Variants in GCN1 observed in about 807,000 individuals in gnomAD.
GCN1 encodes the protein GCN1 activator of EIF2AK4.
In GCN1, 90 loss-of-function variants were observed where a neutral mutation model predicts 288.4. That is an observed-to-expected ratio of 0.31 (90% CI 0.26 to 0.37). GCN1 has a LOEUF of 0.37. GCN1 is among the 10% of genes least tolerant of loss of function. The pLI is 1.00. For synonymous variants in GCN1, 1,386 were observed against 1,420.2 expected (o/e 0.98, Z 0.54); for missense variants, 2,586 against 3,419.9 (o/e 0.76, Z 6.08).
Position 120,144,281 on chromosome 12 carries a change from T to C in GCN1, c.5495+25A>G. The C allele has an allele frequency of 6.2e-7, 1 of 1,613,882 alleles. No individual in the cohort carries two copies. Among genetic ancestry groups the C allele is most frequent in the South Asian group, 1.1e-5 (1 of 91,068 alleles). ...ATGAGCCACCACGCATCATCCCCAC[T>C]GGGTCTTTCTGCCCAAGTTCTCACC... On this transcript the variant is annotated intron_variant, in intron 42 of 57. Transcript: ENST00000300648. This position sits in a 1 kb window ranked among gnomAD's most constrained non-coding sequence, Gnocchi z 4.7.
chr12:120,192,161 C>T (rs1566323684), intron 1 of GCN1, among the ~76,000 whole-genome samples: 1 of 152,074 alleles, frequency 6.6e-6, no homozygotes, highest in African/African-American at 2.4e-5. Context: ...TAATTAAAAC[C>T]CAAACTTTTT....
In GCN1 at chr12:120,155,177, G is replaced by T; in HGVS notation, c.3630+64C>A. ...AGATTCCTGTCTGGAGCAGTAGCGG[G>T]GTGAGCAGAGACCCACCCAACCGCA... On this transcript the variant is annotated intron_variant, in intron 30 of 57. Transcript: ENST00000300648. This position sits in a 1 kb window ranked among gnomAD's most constrained non-coding sequence, Gnocchi z 4.9. The T allele has an allele frequency of 6.5e-6, 10 of 1,549,704 alleles. No homozygotes were observed. The highest frequency in any genetic ancestry group is 8.9e-6 in the Non-Finnish European group (10 of 1,121,838).
rs1878471733 is a variant in GCN1, at chr12:120,176,014, G to A, written c.913+129C>T. The A allele has an allele frequency of 2.1e-5, 27 of 1,300,432 alleles. 1 individual carries two copies. In the South Asian group the frequency reaches 3.2e-4, roughly 16 times the overall value. The allele number at this position is 1,300,432 out of a possible 1,614,324, so 80.6% of individuals were successfully genotyped here. On this transcript the variant is annotated intron_variant, in intron 10 of 57. Transcript: ENST00000300648. ...TAATCTCAAGAAAGAAACTGCCAATGCCAATGTAGTTTAGGTTAGGGCCTT... is the reference window on the plus strand; with the variant it reads ...TAATCTCAAGAAAGAAACTGCCAATACCAATGTAGTTTAGGTTAGGGCCTT...
chr12:120,152,796 T>C (rs1043470077), intron 33 of GCN1, among the ~76,000 whole-genome samples: 3 of 151,830 alleles, frequency 2.0e-5, no homozygotes, highest in Non-Finnish European at 4.4e-5. Flanking sequence ...CCAACACATG[T>C]AGAGGGCCAG....
At position 120,144,458 on chromosome 12, in the gene GCN1, C is replaced by G. The variant is rs749801338; in HGVS notation, c.5353-10G>C. ...TCTCATCAGCAAGAGCCTGGGCACA[C>G]AGAGGGTGGGTCAGCCAGAGCTGCC... On this transcript the variant is annotated splice_polypyrimidine_tract_variant and intron_variant, in intron 41 of 57. Coordinates refer to ENST00000300648, the MANE Select transcript of GCN1 (RefSeq NM_006836.2). This position sits in a 1 kb window ranked among gnomAD's most constrained non-coding sequence, Gnocchi z 4.7. The G allele has an allele frequency of 9.9e-6, 16 of 1,610,054 alleles. No individual in the cohort carries two copies. In the Middle Eastern group the frequency reaches 4.9e-4, roughly 50 times the overall value.
In GCN1 at chr12:120,150,391, T is replaced by C. The variant is rs138862599; in HGVS notation, c.4310-348A>G. Among the ~76,000 whole-genome samples, 601 of 150,594 alleles carry C rather than the reference T, an allele frequency of 4.0e-3. 6 individuals carry two copies. Among genetic ancestry groups the C allele is most frequent in the African/African-American group, 0.013 (528 of 40,916 alleles). ...GCAGGCAGATCACGAGGTCAGGAAA[T>C]AGAGACCATCTTGGCCAACATGGTG... On this transcript the variant is annotated intron_variant, in intron 34 of 57. Transcript: ENST00000300648.
At chr12:120,146,039 G>C (rs1024680538) in intron 38 of GCN1, among the ~76,000 whole-genome samples, 1 of 152,084 alleles carries the variant, frequency 6.6e-6, no homozygotes, top group African/African-American at 2.4e-5. Flanking sequence ...AGTCGAGGCG[G>C]GTGGATCACC....
In GCN1 at chr12:120,148,314, A is replaced by C; in HGVS notation, c.4579T>G (p.Cys1527Gly). 6.2e-7 allele frequency: 1 copy of C among 1,614,016 alleles called. No individual in the cohort carries two copies. The highest frequency in any genetic ancestry group is 8.5e-7 in the Non-Finnish European group (1 of 1,179,936). ...SVELLGAMAY[C>G]APKQLSSCLP... ...CAGGATGACAGCTGCTTAGGAGCAC[A>C]GTACGCCATTGCCCCAAGAAGCTCC... is the stretch of plus-strand genomic sequence containing the variant. The change falls in exon 37 of 58, where the codon TGT becomes GGT. Residue 1527 changes from cysteine to glycine, a missense_variant. Around this residue, in one of 8 missense-constraint regions of GCN1, gnomAD observed 371 missense variants for 572.6 expected, o/e 0.65. Transcript: ENST00000300648.
rs569657867 is a variant in GCN1, at chr12:120,175,762, T to C, written c.1026A>G (p.Leu342=). 2.5e-4 allele frequency: 397 copies of C among 1,612,438 alleles called. 1 individual carries two copies. Among genetic ancestry groups the C allele is most frequent in the South Asian group, 1.9e-3 (174 of 90,716 alleles). The part of the protein sequence containing the change: ...SSAMESLTKH[L]FAILGGSEGK... Reference sequence around the variant, plus strand: ...CTTGCTCACCTCCGAGGATAGCAAATAGGTGCTTGGTCAGGGATTCCATGG... The same window carrying C: ...CTTGCTCACCTCCGAGGATAGCAAACAGGTGCTTGGTCAGGGATTCCATGG... The change falls in exon 11 of 58, where the codon CTA becomes CTG. Residue 342 remains leucine, a synonymous_variant. Coordinates refer to ENST00000300648, the MANE Select transcript of GCN1 (RefSeq NM_006836.2).
In GCN1 at chr12:120,158,419, C is replaced by T. The variant is rs1243118193; in HGVS notation, c.2905+41G>A. The T allele has an allele frequency of 6.7e-7, 1 of 1,494,362 alleles. No individual in the cohort carries two copies. The highest frequency in any genetic ancestry group is 1.4e-5 in the African/African-American group (1 of 71,972). 92.6% of individuals were successfully genotyped at this position (1,494,362 alleles called of 1,614,324 possible). ...CCTTGAGCAGCATTCCTGGCACCAG[C>T]TCACACCGCCTGGTGCCCCTGATCC... On this transcript the variant is annotated intron_variant, in intron 25 of 57. Coordinates refer to ENST00000300648, the MANE Select transcript of GCN1 (RefSeq NM_006836.2). This position sits in a 1 kb window ranked among gnomAD's most constrained non-coding sequence, Gnocchi z 4.3.
At chr12:120,157,667 AAAG>A (rs1435200347) in intron 26 of GCN1, among the ~76,000 whole-genome samples, 179 bp downstream of exon 26, 1 of 152,254 alleles carries the variant, frequency 6.6e-6, no homozygotes, top group Non-Finnish European at 1.5e-5. Flanking sequence ...CAATCACATG[AAAG>A]AAGCAGTCTG....
In GCN1 at chr12:120,144,906, A is replaced by C. The variant is rs1382994199; in HGVS notation, c.5155+17T>G. 11 of 1,613,976 alleles carry C rather than the reference A, an allele frequency of 6.8e-6. No individual in the cohort carries two copies. Among genetic ancestry groups the C allele is most frequent in the African/African-American group, 1.3e-5 (1 of 74,898 alleles). The stretch of plus-strand genomic sequence containing the variant: ...AGAGCATTCCCAGGCTGGCCACTGG[A>C]CCTGCTCTGGCCTTACCCTGTGCAG... On this transcript the variant is annotated intron_variant, in intron 40 of 57. Transcript: ENST00000300648. The surrounding 1 kb of genome is among the most constrained non-coding windows in gnomAD (Gnocchi z 4.7).
At chr12:120,132,905 C>T (rs1010284972) in intron 53 of GCN1, among the ~76,000 whole-genome samples, 7 of 152,012 alleles carry the variant, frequency 4.6e-5, no homozygotes, top group African/African-American at 1.4e-4. Context: ...AAGCAGAAGC[C>T]CAGGTGCCAA....
chr12:120,160,079 G>A (rs1877877141), intron 23 of GCN1, 56 bp from the exon 24 acceptor site: 3 of 1,589,528 alleles, frequency 1.9e-6, no homozygotes, highest in East Asian at 4.5e-5. Context: ...GTGACAGCAA[G>A]CAGCAGGACC....
intron 22 of GCN1, 64 bp from the exon 23 acceptor site, chr12:120,160,319 G>C (rs550482834): frequency 8.8e-4 from 1,022 of 1,158,716 alleles, no homozygotes; most frequent in Non-Finnish European, 1.2e-3. Context: ...CCCCAACAGA[G>C]GAAGGTGAGC....
In GCN1 at chr12:120,130,504, A is replaced by T. The variant is rs559795465; in HGVS notation, c.7671+142T>A. 1.1e-4 allele frequency: 68 copies of T among 636,416 alleles called. 1 individual carries two copies. In the South Asian group the frequency reaches 1.2e-3, roughly 11 times the overall value. The allele number at this position is 636,416 out of a possible 1,614,324, so 39.4% of individuals were successfully genotyped here. ...CAGAAACCCCCTACATTCCATCCCT[A>T]AGTGTTCAGCGATCTCCTGGAGGCC... On this transcript the variant is annotated intron_variant, in intron 56 of 57. Coordinates refer to ENST00000300648, the MANE Select transcript of GCN1 (RefSeq NM_006836.2).
chr12:120,161,987 G>T lies in GCN1; in HGVS notation c.2235C>A (p.Thr745=), dbSNP rs1208441964. The stretch of plus-strand genomic sequence containing the variant: ...CAGGGTTCTGCACGGAGGCAGTGAT[G>T]GTGCTGATGAGCTGTGGGAGGACCC... ...PDRVLPQLIS[T]ITASVQNPAL... Residue 745 remains threonine, a synonymous_variant, in exon 21 of 58, where the codon ACC becomes ACA. Coordinates refer to ENST00000300648, the MANE Select transcript of GCN1 (RefSeq NM_006836.2). 1.9e-6 allele frequency: 3 copies of T among 1,613,956 alleles called. No individual in the cohort carries two copies. The African/African-American group carries it at 4.0e-5, about 22-fold the overall frequency.
At position 120,158,771 on chromosome 12, in the gene GCN1, G is replaced by C. The variant is rs902294318; in HGVS notation, c.2750-156C>G. Reference sequence around the variant, plus strand: ...CTGATGCCTGTAATCCCAGCACTTTGGGAGGCCGAGGCGGGCGGATCATGA... The same window carrying C: ...CTGATGCCTGTAATCCCAGCACTTTCGGAGGCCGAGGCGGGCGGATCATGA... On this transcript the variant is annotated intron_variant, in intron 24 of 57. Coordinates refer to ENST00000300648, the MANE Select transcript of GCN1 (RefSeq NM_006836.2). This position sits in a 1 kb window ranked among gnomAD's most constrained non-coding sequence, Gnocchi z 4.3. 2.0e-5 allele frequency among the ~76,000 whole-genome samples: 3 copies of C among 152,270 alleles called. No homozygotes were observed. Among genetic ancestry groups the C allele is most frequent in the South Asian group, 2.1e-4 (1 of 4,828 alleles).
rs1246675496 is a variant in GCN1, at chr12:120,158,626, G to A, written c.2750-11C>T. ...GGCTCACCAAAGTGCCTGTGTTGAA[G>A]AGGAGAGACCCAGCAGGAGATGACA... On this transcript the variant is annotated splice_polypyrimidine_tract_variant and intron_variant, in intron 24 of 57. Transcript: ENST00000300648. The surrounding 1 kb of genome is among the most constrained non-coding windows in gnomAD (Gnocchi z 4.3). 1.9e-6 allele frequency: 3 copies of A among 1,597,582 alleles called. No homozygotes were observed. The highest frequency in any genetic ancestry group is 4.5e-5 in the East Asian group (2 of 44,536).
Sources: allele counts gnomAD v4.1 joint callset (sites outside exome capture counted in the v4.1 genomes callset), GRCh38; gene constraint gnomAD v4.1.1; regional missense constraint gnomAD v4.1.1; non-coding constraint Gnocchi (gnomAD v3.1); transcripts MANE v1.5; gene names NCBI Gene and HGNC (gene_info 2026-07-23, HGNC 2026-07-21).